CMIP: variants seen among roughly 807,000 people sequenced by gnomAD.
CMIP encodes C-Maf-inducing protein.
Under a neutral mutation model 97.3 loss-of-function variants are expected in CMIP, and 13 were observed. That is an observed-to-expected ratio of 0.13 (90% CI 0.09 to 0.21). The LOEUF is 0.21. Among genes scored for constraint, CMIP ranks in the 10% least tolerant of loss-of-function variants. The probability of loss-of-function intolerance (pLI) is 1.00; values close to 1 mark genes in which losing one functional copy is unlikely to be tolerated. For synonymous variants in CMIP, 538 were observed against 436.3 expected, an observed-to-expected ratio of 1.23 and a Z score of -2.91; for missense variants, 847 against 1,024.9, an observed-to-expected ratio of 0.83 and a Z score of 2.37.
chr16:81,589,839 G>A (rs968165031), intron 1 of CMIP, among the ~76,000 whole-genome samples: 2 of 152,218 alleles, frequency 1.3e-5, no homozygotes, highest in Non-Finnish European at 2.9e-5. Context: ...AACTTAAGGC[G>A]CTGAATGAAT....
intron 1 of CMIP, among the ~76,000 whole-genome samples, chr16:81,577,904 T>A (rs1468511717): frequency 6.7e-6 from 1 of 148,718 alleles, no homozygotes; most frequent in East Asian, 2.0e-4. Context: ...TACGCTATTA[T>A]CACTGTCACC....
chr16:81,582,105 C>T (rs1555532940), intron 1 of CMIP, among the ~76,000 whole-genome samples: 1 of 152,110 alleles, frequency 6.6e-6, no homozygotes, highest in Non-Finnish European at 1.5e-5. Flanking sequence ...CATGAGAACT[C>T]ACTATCACGC....
At chr16:81,498,441 C>T (rs909268547) in intron 1 of CMIP, among the ~76,000 whole-genome samples, 1 of 152,194 alleles carries the variant, frequency 6.6e-6, no homozygotes, top group African/African-American at 2.4e-5. Flanking sequence ...ACCGAGTCCC[C>T]CTGGGGCTGC....
At chr16:81,671,378 C>T (rs2092681850) in intron 8 of CMIP, among the ~76,000 whole-genome samples, 2 of 152,156 alleles carry the variant, frequency 1.3e-5, no homozygotes, top group Admixed American at 1.3e-4. Context: ...CTCAGGACCA[C>T]CAAAATAGCC....
At chr16:81,583,593 C>T (rs1034278397) in intron 1 of CMIP, among the ~76,000 whole-genome samples, 2 of 152,176 alleles carry the variant, frequency 1.3e-5, no homozygotes, top group African/African-American at 2.4e-5. Context: ...GACTGAGTCC[C>T]AAGAGAAGAC....
At position 81,693,273 on chromosome 16, in the gene CMIP, G is replaced by A. The variant is rs559358474; in HGVS notation, c.1481+89G>A. The stretch of plus-strand genomic sequence containing the variant: ...CCTCCGTGGCCCATGCATTCTGGGA[G>A]GCAGTGGTGGCTCCTCTTGGCAGTT... On this transcript the variant is annotated intron_variant, in intron 12 of 20. Transcript: ENST00000537098. 2.4e-5 allele frequency: 34 copies of A among 1,402,228 alleles called. No individual in the cohort carries two copies. In the African/African-American group the frequency reaches 4.4e-4, roughly 18 times the overall value. The allele number at this position is 1,402,228 out of a possible 1,614,324, so 86.9% of individuals were successfully genotyped here.
intron 2 of CMIP, chr16:81,610,255 A>G: frequency 1.0e-6 from 1 of 953,740 alleles, no homozygotes; most frequent in Non-Finnish European, 1.2e-6. Context: ...CCCAGCTGTG[A>G]TGACTCGCCT....
rs557579435 is a variant in CMIP, at chr16:81,476,242, G to T, written c.300+30701G>T. The T allele has an allele frequency of 2.7e-6, 4 of 1,489,694 alleles. No individual in the cohort carries two copies. The Admixed American group carries it at 5.0e-5, about 19-fold the overall frequency. The allele number at this position is 1,489,694 out of a possible 1,614,324, so 92.3% of individuals were successfully genotyped here. A position where few individuals can be genotyped will look rare whatever the true frequency, so the allele number is the denominator to read the frequency against. On this transcript the variant is annotated intron_variant, in intron 1 of 20. Transcript: ENST00000537098. ...TGCCATGGACAAGATGCCGGGACCT[G>T]TATGCTTTAGGATGAAGTTCTCATC...
intron 1 of CMIP, among the ~76,000 whole-genome samples, chr16:81,531,976 A>G (rs947098691): frequency 6.6e-6 from 1 of 152,074 alleles, no homozygotes; most frequent in African/African-American, 2.4e-5. Flanking sequence ...TACTTCTAAA[A>G]CTGTCCTGCG....
At chr16:81,556,190 T>C (rs2090760061) in intron 1 of CMIP, among the ~76,000 whole-genome samples, 1 of 152,168 alleles carries the variant, frequency 6.6e-6, no homozygotes, top group Non-Finnish European at 1.5e-5. Flanking sequence ...CTCATTTTGC[T>C]GTTACGGAAC....
chr16:81,595,677 C>A (rs2091543826), intron 1 of CMIP, among the ~76,000 whole-genome samples: 2 of 152,324 alleles, frequency 1.3e-5, no homozygotes, highest in Middle Eastern at 3.4e-3. Context: ...GCATGAGCCA[C>A]CACGCCTAGC....
At chr16:81,658,356 A>G (rs1306466618) in intron 5 of CMIP, among the ~76,000 whole-genome samples, 1 of 152,250 alleles carries the variant, frequency 6.6e-6, no homozygotes, top group Non-Finnish European at 1.5e-5. Context: ...AAAGAAATGA[A>G]ATTGCACCTG....
intron 9 of CMIP, among the ~76,000 whole-genome samples, chr16:81,676,326 C>A (rs767544202): frequency 1.8e-4 from 27 of 151,948 alleles, no homozygotes; most frequent in Non-Finnish European, 3.4e-4. Flanking sequence ...CTCAGCCAGT[C>A]CCTTCAAGAT....
intron 10 of CMIP, among the ~76,000 whole-genome samples, chr16:81,686,150 G>A (rs1004136826): frequency 3.3e-5 from 5 of 152,228 alleles, no homozygotes; most frequent in Non-Finnish European, 5.9e-5. Flanking sequence ...CACCTGGCAC[G>A]CAGCAGGCGC....
At chr16:81,594,054 T>TCCTCTTCCCCCTCCC (rs1457176695) in intron 1 of CMIP, among the ~76,000 whole-genome samples, 1 of 56,792 alleles carries the variant, frequency 1.8e-5, no homozygotes, top group African/African-American at 7.3e-5. Flanking sequence ...CTTCTCCTCC[T>TCCTCTTCCCCCTCCC]CCTCTTCCCC....
rs542736030 is a variant in CMIP, at chr16:81,709,670, C to T, written c.2269-76C>T. On this transcript the variant is annotated intron_variant, in intron 20 of 20. Transcript: ENST00000537098. ...TGGCAGAGACCCCCAGCCGGCAATGCGGGTGGAGCCAGGCACTGGCAGCTT... is the reference window on the plus strand; with the variant it reads ...TGGCAGAGACCCCCAGCCGGCAATGTGGGTGGAGCCAGGCACTGGCAGCTT... 3.8e-3 allele frequency: 5,806 copies of T among 1,536,460 alleles called. 23 individuals are homozygous for T. Among genetic ancestry groups the T allele is most frequent in the South Asian group, 5.5e-3 (478 of 87,314 alleles).
At chr16:81,684,546 G>T (rs1905193828) in intron 10 of CMIP, among the ~76,000 whole-genome samples, 1 of 152,228 alleles carries the variant, frequency 6.6e-6, no homozygotes, top group Non-Finnish European at 1.5e-5. Flanking sequence ...AATCCCAGCT[G>T]AGCTGCGTGA....
At chr16:81,504,665 A>G (rs1247492117) in intron 1 of CMIP, among the ~76,000 whole-genome samples, 8 of 146,666 alleles carry the variant, frequency 5.5e-5, no homozygotes, top group South Asian at 2.2e-4. Context: ...AAAAAAAAAA[A>G]AGAAAAGAAA....
chr16:81,503,256 G>T (rs1042719105), intron 1 of CMIP, among the ~76,000 whole-genome samples: 2 of 152,150 alleles, frequency 1.3e-5, no homozygotes, highest in African/African-American at 4.8e-5. Context: ...CACAGCCCTG[G>T]GTCATCATCT....
Sources: gnomAD v4.1 joint callset for allele counts (sites outside exome capture counted in the v4.1 genomes callset) on GRCh38, gnomAD v4.1.1 for gene constraint, MANE v1.5 for transcripts, NCBI Gene and HGNC (gene_info 2026-07-23, HGNC 2026-07-21) for gene names.